The following CDR2L variants were observed in gnomAD, a reference collection of about 807,000 sequenced individuals.
The protein encoded by CDR2L is cerebellar degeneration-related protein 2-like.
In CDR2L, 19 loss-of-function variants were observed where a neutral mutation model predicts 36.1. The ratio of observed to expected loss-of-function variants is 0.53; its 90% confidence interval spans 0.37 to 0.77. The LOEUF (loss-of-function observed/expected upper bound fraction) is 0.77, where lower values mean the gene tolerates loss of function less well. Among genes scored for constraint, CDR2L ranks in the 30% least tolerant of loss-of-function variants. The pLI is 0.00. For missense variants in CDR2L, 575 were observed against 627.2 expected (o/e 0.92, Z 0.89); for synonymous variants, 285 against 280.4 (o/e 1.02, Z -0.16).
chr17:74,999,771 G>T (rs1179847493), intron 2 of CDR2L, among the ~76,000 whole-genome samples, 155 bp downstream of exon 2: 1 of 151,998 alleles, frequency 6.6e-6, no homozygotes, highest in Non-Finnish European at 1.5e-5. Flanking sequence ...TACAAGGATA[G>T]CACAGCTATC....
intron 1 of CDR2L, among the ~76,000 whole-genome samples, chr17:74,993,975 C>G (rs2039811221): frequency 6.6e-6 from 1 of 152,222 alleles, no homozygotes; most frequent in Admixed American, 6.5e-5. Flanking sequence ...CTGCCTCTCA[C>G]AAGGCAATGT....
Position 75,002,575 on chromosome 17 carries a change from C to G in CDR2L, c.506+347C>G, listed in dbSNP as rs2039873637. Among the ~76,000 whole-genome samples the G allele has an allele frequency of 6.6e-6, 1 of 152,168 alleles. No individual in the cohort carries two copies. On this transcript the variant is annotated intron_variant, in intron 4 of 4. Transcript: ENST00000337231. This position sits in a 1 kb window ranked among gnomAD's most constrained non-coding sequence, Gnocchi z 4.1. ...GGTAACCCACTGTGCTTTTCAGTTC[C>G]CATTAAATCTAACACTAGACAACCA... is the stretch of plus-strand genomic sequence containing the variant.
At position 75,002,052 on chromosome 17, in the gene CDR2L, C is replaced by A; in HGVS notation, c.342-12C>A. The A allele has an allele frequency of 6.4e-7, 1 of 1,564,154 alleles. No homozygotes were observed. The highest frequency in any genetic ancestry group is 2.4e-5 in the East Asian group (1 of 42,278). ...CCTTAAAGTCCCTGTGTGTCCACCA[C>A]CCCGCCCCCAGGCTGACGGAGACCA... On this transcript the variant is annotated splice_polypyrimidine_tract_variant and intron_variant, in intron 3 of 4. Transcript: ENST00000337231. This position sits in a 1 kb window ranked among gnomAD's most constrained non-coding sequence, Gnocchi z 4.1.
At chr17:75,001,560 T>G in intron 3 of CDR2L, 71 bp downstream of exon 3, 1 of 1,319,206 alleles carries the variant, frequency 7.6e-7, no homozygotes, top group Non-Finnish European at 1.0e-6. Context: ...CAGGGGCCCA[T>G]GGACTGATGG....
chr17:74,991,569 T>C (rs1567973055), intron 1 of CDR2L, among the ~76,000 whole-genome samples: 1 of 150,150 alleles, frequency 6.7e-6, no homozygotes, highest in Non-Finnish European at 1.5e-5. Context: ...TACAAAAAAT[T>C]AGCCGGGCGC....
intron 1 of CDR2L, among the ~76,000 whole-genome samples, chr17:74,997,355 G>T (rs916085930): frequency 2.0e-5 from 3 of 151,750 alleles, no homozygotes; most frequent in African/African-American, 7.3e-5. Flanking sequence ...CTGGGATTAC[G>T]GCGTGAGCCA....
chr17:74,991,818 C>G (rs2039799191), intron 1 of CDR2L, among the ~76,000 whole-genome samples: 2 of 152,206 alleles, frequency 1.3e-5, no homozygotes, highest in African/African-American at 2.4e-5. Context: ...CGTGGCAGGC[C>G]CTGTGCGTTC....
chr17:74,999,876 C>T (rs1056414497), intron 2 of CDR2L, among the ~76,000 whole-genome samples: 20 of 151,976 alleles, frequency 1.3e-4, no homozygotes, highest in African/African-American at 4.6e-4. Flanking sequence ...CTCCTGAGCT[C>T]AAGTGATCCT....
intron 2 of CDR2L, among the ~76,000 whole-genome samples, chr17:75,000,361 G>C (rs563271399): frequency 2.9e-4 from 5 of 17,058 alleles, no homozygotes; most frequent in African/African-American, 1.5e-3. Context: ...GCAGTGGCGC[G>C]ATCTGGGCTC....
chr17:74,995,245 CTG>C (rs1417463275), intron 1 of CDR2L, among the ~76,000 whole-genome samples: 3 of 150,936 alleles, frequency 2.0e-5, no homozygotes, highest in African/African-American at 7.3e-5. Context: ...ATGTCTCACT[CTG>C]TCACCCAAGC....
At chr17:74,990,860 T>G (rs1436485649) in intron 1 of CDR2L, among the ~76,000 whole-genome samples, 2 of 152,212 alleles carry the variant, frequency 1.3e-5, no homozygotes, top group Admixed American at 1.3e-4. Context: ...CAAATTCTCT[T>G]CCACCCAGCT....
rs1444010566 is a variant in CDR2L at position 75,003,568 on chromosome 17, G to C, written c.892G>C (p.Ala298Pro). 6.6e-7 allele frequency: 1 copy of C among 1,509,930 alleles called. No homozygotes were observed. Among genetic ancestry groups the C allele is most frequent in the African/African-American group, 1.4e-5 (1 of 71,964 alleles). 93.5% of individuals were successfully genotyped at this position (1,509,930 alleles called of 1,614,324 possible). A position where few individuals can be genotyped will look rare whatever the true frequency, so the allele number is the denominator to read the frequency against. Residue 298 changes from alanine to proline, a missense_variant, in exon 5 of 5, where the codon GCC (alanine) becomes CCC (proline). Physicochemically the swap from Ala to Pro is conservative, Grantham distance 27 (BLOSUM62 -1). Transcript: ENST00000337231. ...PQPGRGDDLGAQDGVSSPAAS... is the reference protein window; with the variant it reads ...PQPGRGDDLGPQDGVSSPAAS... ...GCCCGGCCGCGGGGACGACTTGGGC[G>C]CCCAGGACGGGGTCTCCTCACCGGC...
intron 1 of CDR2L, among the ~76,000 whole-genome samples, chr17:74,998,093 C>T (rs954323407): frequency 1.2e-3 from 187 of 151,988 alleles, no homozygotes; most frequent in Admixed American, 3.2e-3. Context: ...TGGTGGCGGG[C>T]GCCTGTAGTC....
Position 75,003,352 on chromosome 17 carries a change from G to A in CDR2L, c.676G>A (p.Glu226Lys), listed in dbSNP as rs1448400203. The A allele has an allele frequency of 1.3e-6, 2 of 1,557,576 alleles. No individual in the cohort carries two copies. Among genetic ancestry groups the A allele is most frequent in the African/African-American group, 1.4e-5 (1 of 73,476 alleles). The change falls in exon 5 of 5, where the codon GAG (glutamate) becomes AAG (lysine). Residue 226 changes from glutamate to lysine, a missense_variant. By Grantham distance (56) the Glu-to-Lys change is moderately conservative. Coordinates refer to ENST00000337231, the MANE Select transcript of CDR2L (RefSeq NM_014603.3). ...GCGCGAGTACACCGCGGTGCTGCAG[G>A]AGTACTCGGAGCTGGAGCGCCAGCT... ...AEREYTAVLQ[E>K]YSELERQLCE...
chr17:74,991,389 A>C (rs1416879133), intron 1 of CDR2L, among the ~76,000 whole-genome samples: 1 of 120,468 alleles, frequency 8.3e-6, no homozygotes, highest in Non-Finnish European at 1.7e-5. Flanking sequence ...CTGGGCAACA[A>C]GAGCAAACTC....
chr17:74,993,252 G>A (rs1049967239), intron 1 of CDR2L, among the ~76,000 whole-genome samples: 2 of 151,878 alleles, frequency 1.3e-5, no homozygotes, highest in Non-Finnish European at 2.9e-5. Context: ...ACTGCCATGC[G>A]CACAATATAG....
At chr17:75,000,422 G>A (rs1207852342) in intron 2 of CDR2L, among the ~76,000 whole-genome samples, 1 of 150,372 alleles carries the variant, frequency 6.7e-6, no homozygotes, top group Non-Finnish European at 1.5e-5. Context: ...TCAGCCTCCT[G>A]AGTAGCTGGG....
Position 75,002,324 on chromosome 17 carries a change from C to G in CDR2L, c.506+96C>G. Reference sequence around the variant, plus strand: ...GGGTGCAGTTGGTGCATCATCCAGGCCATCAGAGAGACTGGTCCTGTTGCT... The same window carrying G: ...GGGTGCAGTTGGTGCATCATCCAGGGCATCAGAGAGACTGGTCCTGTTGCT... On this transcript the variant is annotated intron_variant, in intron 4 of 4. Coordinates refer to ENST00000337231, the MANE Select transcript of CDR2L (RefSeq NM_014603.3). The surrounding 1 kb of genome is among the most constrained non-coding windows in gnomAD (Gnocchi z 4.1). 7.1e-6 allele frequency: 8 copies of G among 1,119,650 alleles called. No homozygotes were observed. The Admixed American group carries it at 1.9e-4, about 27-fold the overall frequency. 69.4% of individuals were successfully genotyped at this position (1,119,650 alleles called of 1,614,324 possible).
chr17:74,990,537 C>A (rs866204843), intron 1 of CDR2L, among the ~76,000 whole-genome samples: 2 of 152,196 alleles, frequency 1.3e-5, no homozygotes, highest in African/African-American at 2.4e-5. Context: ...GGCCCAGCAA[C>A]GGGGACAGCA....
Sources: allele counts gnomAD v4.1 joint callset (sites outside exome capture counted in the v4.1 genomes callset), GRCh38; gene constraint gnomAD v4.1.1; non-coding constraint Gnocchi (gnomAD v3.1); transcripts MANE v1.5; gene names NCBI Gene and HGNC (gene_info 2026-07-23, HGNC 2026-07-21).